DENND1B: variants seen among roughly 807,000 people sequenced by gnomAD.
DENND1B encodes DENN domain-containing protein 1B.
Under a neutral mutation model 90.1 loss-of-function variants are expected in DENND1B, and 59 were observed. That is an observed-to-expected ratio of 0.65 (90% CI 0.53 to 0.81). The LOEUF (loss-of-function observed/expected upper bound fraction) is 0.81, where lower values mean the gene tolerates loss of function less well. Among genes scored for constraint, DENND1B ranks in the 40% least tolerant of loss-of-function variants. The probability of loss-of-function intolerance (pLI) is 0.00; values close to 1 mark genes in which losing one functional copy is unlikely to be tolerated. For synonymous variants in DENND1B, 337 were observed against 324.6 expected, an observed-to-expected ratio of 1.04 and a Z score of -0.41; for missense variants, 862 against 912.6, an observed-to-expected ratio of 0.94 and a Z score of 0.71.
intron 14 of DENND1B, among the ~76,000 whole-genome samples, chr1:197,592,744 C>A (rs929549808): frequency 2.0e-5 from 3 of 152,064 alleles, no homozygotes. Flanking sequence ...GCCTTGAATG[C>A]CAGGTGAAGA....
chr1:197,628,797 C>A (rs1211080493), intron 10 of DENND1B, among the ~76,000 whole-genome samples: 1 of 151,844 alleles, frequency 6.6e-6, no homozygotes, highest in African/African-American at 2.4e-5. Flanking sequence ...GGCTAATATC[C>A]AGAATCTACA....
chr1:197,614,812 A>C (rs187498018), intron 11 of DENND1B, among the ~76,000 whole-genome samples: 93 of 151,206 alleles, frequency 6.2e-4, no homozygotes, highest in African/African-American at 2.1e-3. Flanking sequence ...AAGAAGAGTC[A>C]TATAGCCTAA....
chr1:197,520,041 T>C (rs115831714), intron 20 of DENND1B, among the ~76,000 whole-genome samples: 2,545 of 151,910 alleles, frequency 0.017, 38 homozygotes, highest in Middle Eastern at 0.037. Context: ...AGGCATGGGA[T>C]AGCCTCTGGA....
At chr1:197,754,794 G>GA (rs1013160570) in intron 2 of DENND1B, among the ~76,000 whole-genome samples, 8 of 151,678 alleles carry the variant, frequency 5.3e-5, no homozygotes, top group African/African-American at 1.7e-4. Flanking sequence ...CCAGTTTACG[G>GA]AAAATGCATA....
At chr1:197,758,312 G>A (rs1654565930) in intron 2 of DENND1B, among the ~76,000 whole-genome samples, 1 of 152,162 alleles carries the variant, frequency 6.6e-6, no homozygotes, top group Middle Eastern at 3.2e-3. Context: ...GTTACTATGT[G>A]ACCTTTCTTT....
At chr1:197,644,496 T>C (rs531536953) in intron 9 of DENND1B, among the ~76,000 whole-genome samples, 1 of 152,254 alleles carries the variant, frequency 6.6e-6, no homozygotes, top group African/African-American at 2.4e-5. Flanking sequence ...AAATTTGACT[T>C]TGAAACCCTG....
chr1:197,701,495 C>T (rs1194847161), intron 3 of DENND1B, among the ~76,000 whole-genome samples: 2 of 151,654 alleles, frequency 1.3e-5, no homozygotes, highest in Non-Finnish European at 2.9e-5. Context: ...CACCCTGGCA[C>T]ATGTATGCCT....
intron 3 of DENND1B, among the ~76,000 whole-genome samples, chr1:197,685,026 G>A (rs1404006068): frequency 6.6e-6 from 1 of 152,124 alleles, no homozygotes; most frequent in Non-Finnish European, 1.5e-5. Context: ...GCTGAGGCAG[G>A]AGAATCGCTT....
At chr1:197,670,048 A>G (rs1207026857) in intron 5 of DENND1B, among the ~76,000 whole-genome samples, 1 of 152,168 alleles carries the variant, frequency 6.6e-6, no homozygotes, top group Non-Finnish European at 1.5e-5. Context: ...TTTGTTTTCT[A>G]CAAATTAATG....
In DENND1B at chr1:197,714,499, T is replaced by C. The variant is rs371354968; in HGVS notation, c.126+532A>G. On this transcript the variant is annotated intron_variant, in intron 3 of 22. Transcript: ENST00000620048. ...ATAAAATGCAAATGGAATAAATTCA[T>C]CCAGTAGTCTTGCATGCCATATTTT... 3.3e-5 allele frequency among the ~76,000 whole-genome samples: 5 copies of C among 152,192 alleles called. No homozygotes were observed. In the South Asian group the frequency reaches 8.3e-4, roughly 25 times the overall value.
At chr1:197,756,155 A>G (rs1311371159) in intron 2 of DENND1B, among the ~76,000 whole-genome samples, 2 of 152,270 alleles carry the variant, frequency 1.3e-5, no homozygotes, top group Non-Finnish European at 2.9e-5. Context: ...AGGAAGAATT[A>G]AGGAACAGAA....
intron 10 of DENND1B, among the ~76,000 whole-genome samples, chr1:197,637,560 A>T (rs1166411192): frequency 6.6e-6 from 1 of 152,142 alleles, no homozygotes; most frequent in African/African-American, 2.4e-5. Context: ...ACCTTCACAC[A>T]TCCCTTCCAA....
chr1:197,726,822 T>C (rs769370855), intron 2 of DENND1B, among the ~76,000 whole-genome samples: 6 of 152,348 alleles, frequency 3.9e-5, no homozygotes, highest in Admixed American at 6.5e-5. Flanking sequence ...TATACCTTCA[T>C]GTTAGAGAAA....
intron 5 of DENND1B, among the ~76,000 whole-genome samples, chr1:197,669,237 T>A (rs917793183): frequency 1.8e-4 from 28 of 152,258 alleles, no homozygotes; most frequent in African/African-American, 6.5e-4. Context: ...GGATTCCATG[T>A]ATACTCTCAC....
chr1:197,774,447 T>G (rs1405668948), intron 1 of DENND1B: 1 of 152,160 alleles, frequency 6.6e-6, no homozygotes, highest in Non-Finnish European at 1.5e-5. Context: ...CTAAGATACC[T>G]AGAAACAAAA....
At chr1:197,520,540 C>G (rs1482986988) in intron 20 of DENND1B, among the ~76,000 whole-genome samples, 1 of 151,822 alleles carries the variant, frequency 6.6e-6, no homozygotes, top group Non-Finnish European at 1.5e-5. Flanking sequence ...TCGGTAAATT[C>G]TGAGATCAAA....
At chr1:197,724,376 A>C (rs1043409541) in intron 2 of DENND1B, among the ~76,000 whole-genome samples, 1 of 152,196 alleles carries the variant, frequency 6.6e-6, no homozygotes, top group African/African-American at 2.4e-5. Flanking sequence ...ATGTAGAATA[A>C]ATTTAAGATT....
At chr1:197,756,277 G>A (rs1488115593) in intron 2 of DENND1B, among the ~76,000 whole-genome samples, 2 of 152,120 alleles carry the variant, frequency 1.3e-5, no homozygotes, top group African/African-American at 4.8e-5. Flanking sequence ...CCAACAATTA[G>A]AATATGCTTT....
intron 14 of DENND1B, among the ~76,000 whole-genome samples, chr1:197,583,645 T>G (rs1674439008): frequency 1.3e-5 from 2 of 152,194 alleles, no homozygotes; most frequent in African/African-American, 4.8e-5. Flanking sequence ...ATATTTGACA[T>G]TCGCACTTAG....
Sources: allele counts gnomAD v4.1 joint callset (sites outside exome capture counted in the v4.1 genomes callset), GRCh38; gene constraint gnomAD v4.1.1; transcripts MANE v1.5; gene names NCBI Gene and HGNC (gene_info 2026-07-23, HGNC 2026-07-21).